Variants in ZFC3H1 observed in about 807,000 individuals in gnomAD.
ZFC3H1 encodes zinc finger C3H1 domain-containing protein.
ZFC3H1 carries 71 observed loss-of-function variants against 243.7 expected under a neutral mutation model. The ratio of observed to expected loss-of-function variants is 0.29; its 90% CI spans 0.24 to 0.36. ZFC3H1 has a LOEUF of 0.36. Among genes scored for constraint, ZFC3H1 ranks in the 10% least tolerant of loss-of-function variants. ZFC3H1 has a pLI of 1.00. For missense variants in ZFC3H1, 1,966 were observed against 2,317.1 expected (o/e 0.85, Z 3.11); for synonymous variants, 838 against 813.0 (o/e 1.03, Z -0.52).
intron 27 of ZFC3H1, among the ~76,000 whole-genome samples, chr12:71,618,498 T>C (rs868712860): frequency 6.6e-6 from 1 of 152,218 alleles, no homozygotes; most frequent in South Asian, 2.1e-4. Context: ...GTTTTACTTA[T>C]GATCGGCAAA....
intron 4 of ZFC3H1, among the ~76,000 whole-genome samples, chr12:71,644,546 G>A (rs1188347119): frequency 6.6e-6 from 1 of 152,236 alleles, no homozygotes; most frequent in Non-Finnish European, 1.5e-5. Flanking sequence ...TTAACAGGCA[G>A]TGGCTCACGC....
chr12:71,648,492 A>T (rs570409017), intron 2 of ZFC3H1, among the ~76,000 whole-genome samples: 1 of 152,300 alleles, frequency 6.6e-6, no homozygotes, highest in South Asian at 2.1e-4. Flanking sequence ...AGATTATGTT[A>T]AAAACTCAGA....
chr12:71,640,194 G>A (rs1000055415), intron 6 of ZFC3H1, among the ~76,000 whole-genome samples: 1 of 152,118 alleles, frequency 6.6e-6, no homozygotes, highest in Non-Finnish European at 1.5e-5. Flanking sequence ...GCTAATTTTT[G>A]TATTTTTAGT....
chr12:71,631,602 G>A (rs1009741662), intron 16 of ZFC3H1, among the ~76,000 whole-genome samples, 176 bp downstream of exon 16: 4 of 152,128 alleles, frequency 2.6e-5, no homozygotes, highest in Non-Finnish European at 5.9e-5. Flanking sequence ...AAATCCAAGA[G>A]TGTGGTTTGA....
Position 71,627,804 on chromosome 12 carries a change from A to C in ZFC3H1, c.4077T>G (p.Ser1359=), listed in dbSNP as rs1446802655. Residue 1359 remains serine, a synonymous_variant, in exon 21 of 35, where the codon TCT becomes TCG. Transcript: ENST00000378743. Reference sequence around the variant, plus strand: ...CAAGCTTGAGCCAAAGTTGTACATGAGAAGGATTTTCAAGCACACTTGCTT... The same window carrying C: ...CAAGCTTGAGCCAAAGTTGTACATGCGAAGGATTTTCAAGCACACTTGCTT... The part of the protein sequence containing the change: ...NLEASVLENP[S]HVQLWLKLAY... The C allele has an allele frequency of 2.5e-6, 4 of 1,613,866 alleles. No individual in the cohort carries two copies. In the South Asian group the frequency reaches 4.4e-5, roughly 18 times the overall value.
At chr12:71,629,129 C>A in intron 19 of ZFC3H1, 92 bp from the exon 20 acceptor site, 48 of 967,418 alleles carry the variant, frequency 5.0e-5, no homozygotes, top group East Asian at 8.5e-5. Flanking sequence ...AGAAGAACTA[C>A]ATTCACTCCA....
Position 71,626,390 on chromosome 12 carries a change from T to C in ZFC3H1, c.4187A>G (p.Asn1396Ser), listed in dbSNP as rs1391018995. The stretch of plus-strand genomic sequence containing the variant: ...CCAAATTTCTGGATTGTCTTTGTTA[T>C]TTTCCAATGCTCGCGCCAGAACATT... ...ALNVLARALE[N>S]NKDNPEIWCH... Residue 1396 changes from asparagine (N) to serine (S), a missense_variant, in exon 22 of 35, where the codon AAT (asparagine) becomes AGT (serine). Asn to Ser is a conservative substitution (Grantham distance 46, BLOSUM62 1). Coordinates refer to ENST00000378743, the MANE Select transcript of ZFC3H1 (RefSeq NM_144982.5). 1.2e-6 allele frequency: 2 copies of C among 1,613,992 alleles called. No individual in the cohort carries two copies. The highest frequency in any genetic ancestry group is 1.7e-6 in the Non-Finnish European group (2 of 1,180,020).
Position 71,656,760 on chromosome 12 carries a change from C to A in ZFC3H1, c.1015+125G>T. 15 of 977,606 alleles carry A rather than the reference C, an allele frequency of 1.5e-5. 2 individuals carry two copies. In the South Asian group the frequency reaches 2.6e-4, roughly 17 times the overall value. 60.6% of individuals were successfully genotyped at this position (977,606 alleles called of 1,614,324 possible). ...AATTATTCAATGATATGAATGTCTACATAGAAAGTACAAAAGAATTTACAG... is the reference window on the plus strand; with the variant it reads ...AATTATTCAATGATATGAATGTCTAAATAGAAAGTACAAAAGAATTTACAG... On this transcript the variant is annotated intron_variant, in intron 2 of 34. Coordinates refer to ENST00000378743, the MANE Select transcript of ZFC3H1 (RefSeq NM_144982.5).
chr12:71,647,646 A>C, intron 3 of ZFC3H1, 103 bp downstream of exon 3: 2 of 641,864 alleles, frequency 3.1e-6, no homozygotes, highest in South Asian at 1.9e-5. Context: ...ATGATGAAAG[A>C]AAATAAGTGA....
intron 19 of ZFC3H1, 104 bp from the exon 20 acceptor site, chr12:71,629,141 C>A: frequency 5.2e-6 from 5 of 952,484 alleles, no homozygotes; most frequent in Non-Finnish European, 7.4e-6. Flanking sequence ...TTCACTCCAT[C>A]TTAGAAATGA....
In ZFC3H1 at chr12:71,663,290, T is replaced by C; in HGVS notation, c.321A>G (p.Lys107=). 6.2e-7 allele frequency: 1 copy of C among 1,613,482 alleles called. No homozygotes were observed. Among genetic ancestry groups the C allele is most frequent in the South Asian group, 1.1e-5 (1 of 91,086 alleles). Residue 107 remains lysine (K), a synonymous_variant, in exon 1 of 35, where the codon AAA becomes AAG. Coordinates refer to ENST00000378743, the MANE Select transcript of ZFC3H1 (RefSeq NM_144982.5). ...HLRGPSSYRP[K]EPFRSHPPSV... is the part of the protein sequence containing the mutation. ...AAGGCGGATGAGACCGGAACGGTTC[T>C]TTGGGTCGGTAGCTGCTGGGTCCCC...
Position 71,632,375 on chromosome 12 carries a change from G to A in ZFC3H1, c.2957C>T (p.Ala986Val). Residue 986 changes from alanine to valine, a missense_variant, in exon 15 of 35, where the codon GCC becomes GTC. Physicochemically the swap from Ala to Val is moderately conservative, Grantham distance 64. This residue lies in a region of ZFC3H1 where 1,383 missense variants were observed against 1,723.7 expected (regional missense o/e 0.80). Transcript: ENST00000378743. ...TTGTTCCTTTGCTTTAAGGGCACGG[G>A]CTTCTTTTAATTTTTGAATTTTCAG... is the stretch of plus-strand genomic sequence containing the variant. ...YALKIQKLKE[A>V]RALKAKEQQN... 2 of 1,613,384 alleles carry A rather than the reference G, an allele frequency of 1.2e-6. No individual in the cohort carries two copies. The highest frequency in any genetic ancestry group is 8.5e-7 in the Non-Finnish European group (1 of 1,179,824).
rs1353138026 is a variant in ZFC3H1, at chr12:71,613,411, C to T, written c.5551G>A (p.Val1851Ile). ...GTTTTGGAATGCTGGGTCTTTGGAA[C>T]ACAGCTCAAATAAAAGAAAATAACC... ...NRVIFFYLSC[V>I]PKTQHSKTLE... Residue 1851 changes from valine (V) to isoleucine (I), a missense_variant, in exon 31 of 35, where the codon GTT (valine) becomes ATT (isoleucine). This residue lies in a region of ZFC3H1 where 1,383 missense variants were observed against 1,723.7 expected (regional missense o/e 0.80). Transcript: ENST00000378743. 4 of 1,608,614 alleles carry T rather than the reference C, an allele frequency of 2.5e-6. No individual in the cohort carries two copies. The highest frequency in any genetic ancestry group is 1.7e-5 in the Admixed American group (1 of 59,562).
rs749541454 is a variant in ZFC3H1, at chr12:71,629,013, T to C, written c.3851A>G (p.Asp1284Gly). 46 of 1,612,202 alleles carry C rather than the reference T, an allele frequency of 2.9e-5. No homozygotes were observed. The highest frequency in any genetic ancestry group is 6.7e-5 in the African/African-American group (5 of 74,816). ...GHTPPFTTYK[D>G]KRKWKPKFWR... ...AAACTTTGGCTTCCACTTTCTTTTA[T>C]CTTTGTAGGTTGTAAATGGAGGAGC... The change falls in exon 20 of 35, where the codon GAT becomes GGT. Residue 1284 changes from aspartate to glycine, a missense_variant. By Grantham distance (94) the Asp-to-Gly change is moderately conservative. Coordinates refer to ENST00000378743, the MANE Select transcript of ZFC3H1 (RefSeq NM_144982.5).
Position 71,663,295 on chromosome 12 carries a change from G to T in ZFC3H1, c.316C>A (p.Pro106Thr). 1 of 1,613,476 alleles carries T rather than the reference G, an allele frequency of 6.2e-7. No homozygotes were observed. The highest frequency in any genetic ancestry group is 1.7e-5 in the Admixed American group (1 of 60,032). ...GGATGAGACCGGAACGGTTCTTTGG[G>T]TCGGTAGCTGCTGGGTCCCCTGAGG... ...GHLRGPSSYR[P>T]KEPFRSHPPS... is the part of the protein sequence containing the mutation. The change falls in exon 1 of 35, where the codon CCC becomes ACC. Residue 106 changes from proline (P) to threonine (T), a missense_variant. Around this residue, in one of 4 missense-constraint regions of ZFC3H1, gnomAD observed 484 missense variants for 449.7 expected, o/e 1.08. Transcript: ENST00000378743.
At position 71,644,946 on chromosome 12, in the gene ZFC3H1, T is replaced by A. The variant is rs773001506; in HGVS notation, c.1210A>T (p.Thr404Ser). Residue 404 changes from threonine (T) to serine (S), a missense_variant, in exon 4 of 35, where the codon ACG becomes TCG. Physicochemically the swap from Thr to Ser is moderately conservative, Grantham distance 58 (BLOSUM62 1). This residue lies in a region of ZFC3H1 where 91 missense variants were observed against 107.6 expected (regional missense o/e 0.85). Transcript: ENST00000378743. ...MKESKEKLTK[T>S]KTVQQKVKTS... Reference sequence around the variant, plus strand: ...TTAACTTTTTGCTGTACAGTTTTCGTCTTAGTCAACTTTTCTTTGCTTTCT... The same window carrying A: ...TTAACTTTTTGCTGTACAGTTTTCGACTTAGTCAACTTTTCTTTGCTTTCT... 6.2e-7 allele frequency: 1 copy of A among 1,613,144 alleles called. No homozygotes were observed. The highest frequency in any genetic ancestry group is 1.7e-5 in the Admixed American group (1 of 60,024).
chr12:71,650,291 T>C (rs551764467), intron 2 of ZFC3H1, among the ~76,000 whole-genome samples: 5 of 152,200 alleles, frequency 3.3e-5, no homozygotes, highest in South Asian at 2.1e-4. Context: ...AATTAATAAA[T>C]ACAATAAATT....
At position 71,636,909 on chromosome 12, in the gene ZFC3H1, T is replaced by C. The variant is rs772017529; in HGVS notation, c.1876A>G (p.Met626Val). 1 of 1,614,068 alleles carries C rather than the reference T, an allele frequency of 6.2e-7. No homozygotes were observed. The highest frequency in any genetic ancestry group is 1.3e-5 in the African/African-American group (1 of 75,026). The change falls in exon 8 of 35, where the codon ATG becomes GTG. Residue 626 changes from methionine to valine, a missense_variant. By Grantham distance (21) the Met-to-Val change is conservative (BLOSUM62 1). Transcript: ENST00000378743. Reference protein sequence around the residue: ...PFADEEEEEEMLLREELLKSL... With the variant: ...PFADEEEEEEVLLREELLKSL... ...TTAAGTAGTTCTTCTCGAAGCAGCA[T>C]TTCTTCCTCCTCTTCCTCATCTGCA...
rs1881243476 is a variant in ZFC3H1 at position 71,663,374 on chromosome 12, A to G, written c.237T>C (p.Ser79=). The change falls in exon 1 of 35, where the codon TCT becomes TCC. Residue 79 remains serine, a synonymous_variant. Transcript: ENST00000378743. ...GTGAGAAATTCCTCAGCTGCTGCTGAGAAGAGGACGATGACGAGGAAGAGC... is the reference window on the plus strand; with the variant it reads ...GTGAGAAATTCCTCAGCTGCTGCTGGGAAGAGGACGATGACGAGGAAGAGC... ...GGGSSSSSSS[S]QQQLRNFSRS... is the part of the protein sequence containing the mutation. 6.2e-7 allele frequency: 1 copy of G among 1,612,728 alleles called. No homozygotes were observed. The highest frequency in any genetic ancestry group is 1.3e-5 in the African/African-American group (1 of 74,930).
Sources: allele counts gnomAD v4.1 joint callset (sites outside exome capture counted in the v4.1 genomes callset), GRCh38; gene constraint gnomAD v4.1.1; regional missense constraint gnomAD v4.1.1; transcripts MANE v1.5; gene names NCBI Gene and HGNC (gene_info 2026-07-23, HGNC 2026-07-21).